Variants in SOCS6 observed in about 807,000 individuals in gnomAD.
The protein encoded by SOCS6 is STAT induced STAT inhibitor-4.
A neutral mutation model predicts 27.7 loss-of-function variants in SOCS6; 5 were observed. The observed-to-expected ratio is 0.18, with a 90% CI of 0.09 to 0.38. SOCS6 has a LOEUF of 0.38. Ranked by LOEUF, SOCS6 falls within the 10% of genes least tolerant of loss-of-function variation. The probability of loss-of-function intolerance (pLI) is 1.00; values close to 1 mark genes in which losing one functional copy is unlikely to be tolerated. For missense variants in SOCS6, 595 were observed against 688.1 expected (o/e 0.86, Z 1.51); for synonymous variants, 271 against 260.0 (o/e 1.04, Z -0.41).
chr18:70,326,350 T>C lies in SOCS6; in HGVS notation c.*74T>C, dbSNP rs1400964342. The C allele has an allele frequency of 3.1e-6, 4 of 1,282,816 alleles. No homozygotes were observed. Among genetic ancestry groups the C allele is most frequent in the Non-Finnish European group, 4.3e-6 (4 of 921,632 alleles). 79.5% of individuals were successfully genotyped at this position (1,282,816 alleles called of 1,614,324 possible). A position where few individuals can be genotyped will look rare whatever the true frequency, so the allele number is the denominator to read the frequency against. On this transcript the variant is annotated 3_prime_UTR_variant, in exon 2 of 2. Coordinates refer to ENST00000397942, the MANE Select transcript of SOCS6 (RefSeq NM_004232.4). ...TGAAATACAGTTTACAAACTTTCAT[T>C]GCCATCAAAATCTTTTGCTGCCATA... is the stretch of plus-strand genomic sequence containing the variant.
intron 1 of SOCS6, among the ~76,000 whole-genome samples, chr18:70,304,223 C>A (rs1244016926): frequency 2.2e-5 from 3 of 134,848 alleles, no homozygotes; most frequent in Non-Finnish European, 4.7e-5. Context: ...GATACAAGGT[C>A]AATGCAACAG....
intron 1 of SOCS6, among the ~76,000 whole-genome samples, chr18:70,294,977 G>A (rs556660175): frequency 1.3e-5 from 2 of 152,342 alleles, no homozygotes; most frequent in South Asian, 4.1e-4. Flanking sequence ...GGACTCTTGA[G>A]TATAGAGAAG....
rs1911131058 is a variant in SOCS6, at chr18:70,324,892, G to A, written c.224G>A (p.Gly75Asp). The A allele has an allele frequency of 6.2e-7, 1 of 1,614,042 alleles. No individual in the cohort carries two copies. Among genetic ancestry groups the A allele is most frequent in the Non-Finnish European group, 8.5e-7 (1 of 1,180,036 alleles). The change falls in exon 2 of 2, where the codon GGT becomes GAT. Residue 75 changes from glycine to aspartate, a missense_variant. By Grantham distance (94) the Gly-to-Asp change is moderately conservative. Around this residue, in one of 2 missense-constraint regions of SOCS6, gnomAD observed 467 missense variants for 481.1 expected, o/e 0.97. Transcript: ENST00000397942. ...AGATCAAAAAGCGAGAGCCTGATGG[G>A]TACGCTAAAAAGGCGGCTTTCTGCA... Reference protein sequence around the residue: ...KNRSKSESLMGTLKRRLSAKQ... With the variant: ...KNRSKSESLMDTLKRRLSAKQ...
intron 1 of SOCS6, among the ~76,000 whole-genome samples, chr18:70,299,050 AG>A (rs2062336845): frequency 2.0e-5 from 3 of 152,094 alleles, no homozygotes; most frequent in Admixed American, 2.0e-4. Context: ...TGAACCCGGG[AG>A]GTGGAGCTTA....
rs113806017 is a variant in SOCS6, at chr18:70,304,012, G to A, written c.-127+14922G>A. ...TCTTTACCTACCTCACACATAAATC[G>A]TACTAGATTTAATCAAGGACTTAAA... On this transcript the variant is annotated intron_variant, in intron 1 of 1. Coordinates refer to ENST00000397942, the MANE Select transcript of SOCS6 (RefSeq NM_004232.4). Among the ~76,000 whole-genome samples, 26 of 152,156 alleles carry A rather than the reference G, an allele frequency of 1.7e-4. 1 individual carries two copies. Among genetic ancestry groups the A allele is most frequent in the African/African-American group, 2.4e-4 (10 of 41,514 alleles).
At chr18:70,323,286 G>C (rs1911056025) in intron 1 of SOCS6, among the ~76,000 whole-genome samples, 1 of 151,942 alleles carries the variant, frequency 6.6e-6, no homozygotes, top group Non-Finnish European at 1.5e-5. Context: ...ATTCTACACA[G>C]TTTAAACACA....
chr18:70,301,153 A>C (rs1404987489), intron 1 of SOCS6, among the ~76,000 whole-genome samples: 1 of 152,232 alleles, frequency 6.6e-6, no homozygotes, highest in African/African-American at 2.4e-5. Flanking sequence ...AGAAGACATA[A>C]GACTCTTGGG....
chr18:70,303,047 C>G (rs1020690788), intron 1 of SOCS6, among the ~76,000 whole-genome samples: 1 of 152,128 alleles, frequency 6.6e-6, no homozygotes. Flanking sequence ...TATAAAAACA[C>G]TGCATGTTCA....
rs1007837995 is a variant in SOCS6 at position 70,327,269 on chromosome 18, G to A, written c.*993G>A. Reference sequence around the variant, plus strand: ...GACTGGATTCTCTTGCAACATTAATGTTTATAAAAAGTTTTAAATTGATTT... The same window carrying A: ...GACTGGATTCTCTTGCAACATTAATATTTATAAAAAGTTTTAAATTGATTT... On this transcript the variant is annotated 3_prime_UTR_variant, in exon 2 of 2. Coordinates refer to ENST00000397942, the MANE Select transcript of SOCS6 (RefSeq NM_004232.4). The A allele has an allele frequency of 6.0e-6, 1 of 166,708 alleles. No individual in the cohort carries two copies. The highest frequency in any genetic ancestry group is 2.4e-5 in the African/African-American group (1 of 41,404). The allele number at this position is 166,708 out of a possible 1,614,324, so 10.3% of individuals were successfully genotyped here.
At chr18:70,306,493 A>T (rs1426517617) in intron 1 of SOCS6, among the ~76,000 whole-genome samples, 17 of 151,656 alleles carry the variant, frequency 1.1e-4, no homozygotes, top group Non-Finnish European at 1.9e-4. Context: ...AAAAAAAAAA[A>T]AAAAAAGAAA....
chr18:70,309,389 T>G (rs923623731), intron 1 of SOCS6, among the ~76,000 whole-genome samples: 2 of 152,208 alleles, frequency 1.3e-5, no homozygotes, highest in African/African-American at 4.8e-5. Context: ...TTCCATTGGA[T>G]TTATGTTTGT....
At chr18:70,320,260 A>AT (rs1910933817) in intron 1 of SOCS6, among the ~76,000 whole-genome samples, 1 of 152,190 alleles carries the variant, frequency 6.6e-6, no homozygotes, top group Non-Finnish European at 1.5e-5. Flanking sequence ...GAGTGCTGGG[A>AT]TTATAGGCAT....
At chr18:70,308,323 T>A (rs895441967) in intron 1 of SOCS6, among the ~76,000 whole-genome samples, 1 of 152,130 alleles carries the variant, frequency 6.6e-6, no homozygotes, top group African/African-American at 2.4e-5. Flanking sequence ...GCTCAAGTGA[T>A]CCTCCTGCCC....
rs1490585475 is a variant in SOCS6, at chr18:70,327,802, A to G, written c.*1526A>G. Reference sequence around the variant, plus strand: ...GGATGGTTCTTCCTTTGTCACTTAAAGGAAGAGATAGGAAAAGTCTCTTAC... The same window carrying G: ...GGATGGTTCTTCCTTTGTCACTTAAGGGAAGAGATAGGAAAAGTCTCTTAC... On this transcript the variant is annotated 3_prime_UTR_variant, in exon 2 of 2. Transcript: ENST00000397942. 2 of 166,736 alleles carry G rather than the reference A, an allele frequency of 1.2e-5. No individual in the cohort carries two copies. The highest frequency in any genetic ancestry group is 2.4e-5 in the African/African-American group (1 of 41,386). The allele number at this position is 166,736 out of a possible 1,614,324, so 10.3% of individuals were successfully genotyped here. A position where few individuals can be genotyped will look rare whatever the true frequency, so the allele number is the denominator to read the frequency against.
intron 1 of SOCS6, among the ~76,000 whole-genome samples, chr18:70,316,344 C>T (rs2062411421): frequency 6.6e-6 from 1 of 151,856 alleles, no homozygotes. Context: ...TTCATTGGGG[C>T]CTTTAGTAAC....
At position 70,292,774 on chromosome 18, in the gene SOCS6, C is replaced by T. The variant is rs562661683; in HGVS notation, c.-127+3684C>T. Among the ~76,000 whole-genome samples, 3 of 152,308 alleles carry T rather than the reference C, an allele frequency of 2.0e-5. No homozygotes were observed. In the South Asian group the frequency reaches 6.2e-4, roughly 32 times the overall value. Reference sequence around the variant, plus strand: ...TACCAGGGTTCTGCCCTAGCCTTTCCGTTCCTCAACAATCTAAGCTGCTTC... The same window carrying T: ...TACCAGGGTTCTGCCCTAGCCTTTCTGTTCCTCAACAATCTAAGCTGCTTC... On this transcript the variant is annotated intron_variant, in intron 1 of 1. Transcript: ENST00000397942.
chr18:70,317,554 TACAC>T (rs369682234), intron 1 of SOCS6, among the ~76,000 whole-genome samples: 8,637 of 139,096 alleles, frequency 0.062, 392 homozygotes, highest in Non-Finnish European at 0.081. Flanking sequence ...CATATATACA[TACAC>T]ACACACACAC....
intron 1 of SOCS6, among the ~76,000 whole-genome samples, chr18:70,293,830 C>T (rs1020017352): frequency 1.3e-5 from 2 of 152,100 alleles, no homozygotes; most frequent in African/African-American, 2.4e-5. Flanking sequence ...CGGTGGCTCG[C>T]GCCTGTAATC....
chr18:70,324,259 G>A (rs1324407555), intron 1 of SOCS6, among the ~76,000 whole-genome samples: 3 of 150,220 alleles, frequency 2.0e-5, no homozygotes, highest in African/African-American at 5.0e-5. Context: ...CCGAGATCAC[G>A]CCACTGCACT....
Sources: allele counts gnomAD v4.1 joint callset (sites outside exome capture counted in the v4.1 genomes callset), GRCh38; gene constraint gnomAD v4.1.1; regional missense constraint gnomAD v4.1.1; transcripts MANE v1.5; gene names NCBI Gene and HGNC (gene_info 2026-07-23, HGNC 2026-07-21).